SHPRH: variants seen among roughly 807,000 people sequenced by gnomAD.
SHPRH encodes E3 ubiquitin-protein ligase SHPRH.
SHPRH carries 106 observed loss-of-function variants against 202.5 expected under a neutral mutation model. The ratio of observed to expected loss-of-function variants is 0.52; its 90% CI spans 0.45 to 0.62. The LOEUF (loss-of-function observed/expected upper bound fraction) is 0.62. SHPRH is among the 20% of genes least tolerant of loss of function. The probability of loss-of-function intolerance (pLI) is 0.00; values close to 1 mark genes in which losing one functional copy is unlikely to be tolerated. For synonymous variants in SHPRH, 729 were observed against 686.0 expected (o/e 1.06, Z -0.98); for missense variants, 1,710 against 2,020.0 (o/e 0.85, Z 2.94).
chr6:145,922,945 GTTTTT>G, intron 18 of SHPRH, 109 bp from the exon 19 acceptor site: 1 of 953,788 alleles, frequency 1.0e-6, no homozygotes, highest in Non-Finnish European at 1.4e-6. Context: ...ACTGTTTGCT[GTTTTT>G]TTTTTTTTTA....
intron 2 of SHPRH, among the ~76,000 whole-genome samples, chr6:145,952,863 GCA>G (rs777594711): frequency 6.6e-6 from 1 of 152,014 alleles, no homozygotes; most frequent in African/African-American, 2.4e-5. Flanking sequence ...GGAATCTTCT[GCA>G]CAGTTAGGTT....
intron 26 of SHPRH, 73 bp from the exon 27 acceptor site, chr6:145,894,309 T>C (rs1336068133): frequency 1.7e-6 from 2 of 1,148,808 alleles, no homozygotes; most frequent in South Asian, 3.6e-5. Flanking sequence ...GAAAAGGAAA[T>C]AAATCAAAAT....
At chr6:145,955,792 T>A (rs1279408248) in intron 1 of SHPRH, among the ~76,000 whole-genome samples, 2 of 149,632 alleles carry the variant, frequency 1.3e-5, no homozygotes, top group Non-Finnish European at 3.0e-5. Context: ...AAAATGAAAA[T>A]AAAACAGAAA....
At chr6:145,931,481 T>C (rs1785436746) in intron 14 of SHPRH, among the ~76,000 whole-genome samples, 1 of 152,078 alleles carries the variant, frequency 6.6e-6, no homozygotes. Context: ...GCCTCCCAAG[T>C]AGCTGGGACT....
intron 23 of SHPRH, among the ~76,000 whole-genome samples, chr6:145,915,019 C>T (rs1334647654): frequency 2.0e-5 from 3 of 151,014 alleles, no homozygotes; most frequent in Non-Finnish European, 4.4e-5. Flanking sequence ...TTGTCCATTC[C>T]TCTGAAGGAA....
the SHPRH span, among the ~76,000 whole-genome samples, chr6:145,858,129 C>T: frequency 3.9e-5 from 6 of 151,976 alleles, no homozygotes; most frequent in Admixed American, 6.6e-5. Flanking sequence ...AAATTTAAAA[C>T]GGTATGGAGT....
At chr6:145,926,317 G>A (rs770933104) in intron 15 of SHPRH, 21 bp from the exon 16 acceptor site, 31 of 1,602,874 alleles carry the variant, frequency 1.9e-5, no homozygotes, top group Admixed American at 5.0e-5. Context: ...ATCAAAGGCA[G>A]TAATTATGAC....
intron 13 of SHPRH, among the ~76,000 whole-genome samples, chr6:145,934,475 A>AATAAAATAAAATAAAATAAC (rs1785840848): frequency 6.8e-6 from 1 of 146,868 alleles, no homozygotes; most frequent in African/African-American, 2.5e-5. Flanking sequence ...TCAAAAAATA[A>AATAAAATAAAATAAAATAAC]ATAAAATAAA....
chr6:145,962,208 G>A (rs1339166048), intron 1 of SHPRH, among the ~76,000 whole-genome samples: 6 of 152,132 alleles, frequency 3.9e-5, no homozygotes, highest in Admixed American at 3.9e-4. Flanking sequence ...TGAGTTAAGG[G>A]CCTCTCTCTC....
intron 23 of SHPRH, among the ~76,000 whole-genome samples, chr6:145,916,551 T>C (rs1468300005): frequency 6.6e-6 from 1 of 152,192 alleles, no homozygotes. Flanking sequence ...ATAGCACCTG[T>C]GTAATTTGAT....
rs185438897 is a variant in SHPRH at position 145,952,478 on chromosome 6, C to T, written c.634G>A (p.Val212Ile). The T allele has an allele frequency of 1.7e-3, 2,751 of 1,599,348 alleles. 7 individuals carry two copies. Among genetic ancestry groups the T allele is most frequent in the Non-Finnish European group, 2.1e-3 (2,430 of 1,173,576 alleles). Residue 212 changes from valine to isoleucine, a missense_variant and splice_region_variant, in exon 3 of 30, where the codon GTT (valine) becomes ATT (isoleucine). Transcript: ENST00000275233. Reference sequence around the variant, plus strand: ...CCAGCTTCCAAAAGATAAATTCCAACCTAAAAACAATTAATCAAAATAAAA... The same window carrying T: ...CCAGCTTCCAAAAGATAAATTCCAATCTAAAAACAATTAATCAAAATAAAA... Reference protein sequence around the residue: ...QKPEGNHIIKVGIYLLEAGLA... With the variant: ...QKPEGNHIIKIGIYLLEAGLA...
intron 14 of SHPRH, among the ~76,000 whole-genome samples, chr6:145,929,804 C>T (rs1016585952): frequency 6.6e-6 from 1 of 151,866 alleles, no homozygotes; most frequent in African/African-American, 2.4e-5. Flanking sequence ...AATAATAGGC[C>T]CTTTTCTATT....
At chr6:145,869,082 CAGT>C (rs1779935358) in intron 2 of SHPRH, among the ~76,000 whole-genome samples, 1 of 152,112 alleles carries the variant, frequency 6.6e-6, no homozygotes, top group African/African-American at 2.4e-5. Flanking sequence ...TTGGCCATTC[CAGT>C]AGGTGTGTAT....
At chr6:145,907,555 G>A (rs985689099) in intron 25 of SHPRH, 1 of 152,072 alleles carries the variant, frequency 6.6e-6, no homozygotes, top group African/African-American at 2.4e-5. Flanking sequence ...CCCCTAGTTA[G>A]GTCTCCAGGC....
chr6:145,899,999 A>G (rs1782353384), intron 25 of SHPRH, among the ~76,000 whole-genome samples: 1 of 152,156 alleles, frequency 6.6e-6, no homozygotes, highest in African/African-American at 2.4e-5. Context: ...AAAAGACAAG[A>G]GATAAGTATT....
At chr6:145,950,206 T>G in intron 4 of SHPRH, 58 bp downstream of exon 4, 1 of 1,456,158 alleles carries the variant, frequency 6.9e-7, no homozygotes, top group East Asian at 2.3e-5. Context: ...CCTGCCCTAA[T>G]TGTCTCTGAT....
Position 145,920,996 on chromosome 6 carries a change from T to C in SHPRH, c.4008+171A>G, listed in dbSNP as rs1314960047. Among the ~76,000 whole-genome samples, 4 of 152,076 alleles carry C rather than the reference T, an allele frequency of 2.6e-5. 1 individual carries two copies. In the South Asian group the frequency reaches 6.2e-4, roughly 24 times the overall value. ...ATAAATAGAATGTCTTTGAGTATTA[T>C]GGTATTTGCTATCCTTTATTACAAC... On this transcript the variant is annotated intron_variant, in intron 21 of 29. Coordinates refer to ENST00000275233, the MANE Select transcript of SHPRH (RefSeq NM_001042683.3).
At chr6:145,887,915 ATT>A in intron 29 of SHPRH, 103 bp downstream of exon 29, 2 of 851,480 alleles carry the variant, frequency 2.3e-6, no homozygotes, top group Non-Finnish European at 3.8e-6. Context: ...TTAAAAACGT[ATT>A]TGTGCTATAT....
chr6:145,906,614 C>G (rs1782983036), intron 25 of SHPRH: 5 of 152,066 alleles, frequency 3.3e-5, no homozygotes, highest in Admixed American at 3.3e-4. Flanking sequence ...TAAACATGCT[C>G]AAGAATCTTT....
Sources: gnomAD v4.1 joint callset for allele counts (sites outside exome capture counted in the v4.1 genomes callset) on GRCh38, gnomAD v4.1.1 for gene constraint, MANE v1.5 for transcripts, NCBI Gene and HGNC (gene_info 2026-07-23, HGNC 2026-07-21) for gene names.